Variants in SUSD1 observed in about 807,000 individuals in gnomAD.
SUSD1 encodes the protein sushi domain-containing protein 1.
In SUSD1, 65 loss-of-function variants were observed where a neutral mutation model predicts 86.9. The observed-to-expected ratio is 0.75, with a 90% CI of 0.61 to 0.92. The LOEUF (loss-of-function observed/expected upper bound fraction) is 0.92, where lower values mean the gene tolerates loss of function less well. Ranked by LOEUF, SUSD1 falls within the 40% of genes least tolerant of loss-of-function variation. The pLI, the probability that SUSD1 is intolerant of heterozygous loss-of-function variation, is 0.00. For missense variants in SUSD1, 850 were observed against 929.7 expected (o/e 0.91, Z 1.11); for synonymous variants, 346 against 350.0 (o/e 0.99, Z 0.13).
chr9:112,097,182 TG>T (rs1385955898), intron 10 of SUSD1, among the ~76,000 whole-genome samples: 1 of 151,586 alleles, frequency 6.6e-6, no homozygotes, highest in Non-Finnish European at 1.5e-5. Flanking sequence ...AAAAATTAGC[TG>T]GGCATGGTGG....
intron 12 of SUSD1, among the ~76,000 whole-genome samples, chr9:112,066,017 A>G (rs1459126445): frequency 1.3e-5 from 2 of 152,174 alleles, no homozygotes; most frequent in African/African-American, 2.4e-5. Flanking sequence ...AATCATCTCT[A>G]TCTTATCAGT....
At chr9:112,087,120 C>A (rs1005898437) in intron 10 of SUSD1, among the ~76,000 whole-genome samples, 6 of 152,048 alleles carry the variant, frequency 3.9e-5, no homozygotes, top group Non-Finnish European at 8.8e-5. Flanking sequence ...AAATAAGTAT[C>A]CTCAAGCATT....
At chr9:112,046,229 T>G (rs546276231) in intron 15 of SUSD1, among the ~76,000 whole-genome samples, 1 of 152,226 alleles carries the variant, frequency 6.6e-6, no homozygotes, top group African/African-American at 2.4e-5. Context: ...AATTCCTTAA[T>G]AAGAAAATTT....
At chr9:112,162,091 C>T (rs957331376) in intron 1 of SUSD1, among the ~76,000 whole-genome samples, 1 of 152,090 alleles carries the variant, frequency 6.6e-6, no homozygotes, top group African/African-American at 2.4e-5. Context: ...CACAATAAAA[C>T]ACCCCCATGT....
chr9:112,150,034 G>T (rs1864359), intron 2 of SUSD1, among the ~76,000 whole-genome samples: 69,158 of 152,114 alleles, frequency 0.45, 16,443 homozygotes, highest in African/African-American at 0.6. Flanking sequence ...TAATATGAAA[G>T]TGAAAGATGC....
At chr9:112,097,522 C>T (rs1412145346) in intron 10 of SUSD1, among the ~76,000 whole-genome samples, 12 of 151,022 alleles carry the variant, frequency 7.9e-5, no homozygotes, top group African/African-American at 2.4e-4. Flanking sequence ...CTCAGCCTCC[C>T]GAGTAGCTGG....
intron 5 of SUSD1, among the ~76,000 whole-genome samples, chr9:112,129,127 A>G (rs889963294): frequency 1.3e-4 from 20 of 152,162 alleles, no homozygotes; most frequent in African/African-American, 4.8e-4. Flanking sequence ...AGGGTCTTGG[A>G]TGGACTTCAG....
intron 12 of SUSD1, among the ~76,000 whole-genome samples, chr9:112,064,057 C>T (rs988897383): frequency 8.8e-4 from 54 of 61,668 alleles, no homozygotes; most frequent in African/African-American, 3.0e-3. Context: ...GGGGGGGGGG[C>T]GGGTGGGGGC....
chr9:112,162,987 C>T (rs1833634079), intron 1 of SUSD1, among the ~76,000 whole-genome samples: 1 of 152,168 alleles, frequency 6.6e-6, no homozygotes, highest in Non-Finnish European at 1.5e-5. Context: ...CCAGTGGCCA[C>T]CTTCAAGTTT....
chr9:112,066,880 T>C (rs1218467928), intron 12 of SUSD1, among the ~76,000 whole-genome samples: 1 of 152,032 alleles, frequency 6.6e-6, no homozygotes, highest in Non-Finnish European at 1.5e-5. Context: ...TTTTTGTTGT[T>C]TATCTGTTTT....
At chr9:112,110,877 G>A (rs1435143871) in intron 8 of SUSD1, among the ~76,000 whole-genome samples, 1 of 152,040 alleles carries the variant, frequency 6.6e-6, no homozygotes, top group Non-Finnish European at 1.5e-5. Context: ...CTGCACCCTA[G>A]GGGTGCCCCT....
At chr9:112,153,458 A>G (rs1833153923) in intron 2 of SUSD1, among the ~76,000 whole-genome samples, 1 of 152,138 alleles carries the variant, frequency 6.6e-6, no homozygotes, top group South Asian at 2.1e-4. Context: ...TTCTTCTGCA[A>G]TACATCCTGA....
At chr9:112,079,399 G>A (rs1829669057) in intron 11 of SUSD1, among the ~76,000 whole-genome samples, 2 of 152,264 alleles carry the variant, frequency 1.3e-5, no homozygotes, top group East Asian at 3.9e-4. Flanking sequence ...TTCCTAGAAA[G>A]AATATTAGGA....
rs1310986143 is a variant in SUSD1 at position 112,062,943 on chromosome 9, G to T, written c.1844C>A (p.Pro615Gln). The change falls in exon 13 of 17, where the codon CCA becomes CAA. Residue 615 changes from proline to glutamine, a missense_variant. Physicochemically the swap from Pro to Gln is moderately conservative, Grantham distance 76. Coordinates refer to ENST00000374270, the MANE Select transcript of SUSD1 (RefSeq NM_022486.5). Reference protein sequence around the residue: ...RLRKAKEKNGPISSYQVLVLP... With the variant: ...RLRKAKEKNGQISSYQVLVLP... ...AGAAAGGACAGCTACTGACCTGATT[G>T]GTCCATTTTTCTCCTTGGCTTTCCT... The T allele has an allele frequency of 1.2e-6, 2 of 1,605,656 alleles. No individual in the cohort carries two copies. The highest frequency in any genetic ancestry group is 1.1e-5 in the South Asian group (1 of 90,882).
chr9:112,082,533 A>T (rs12344697), intron 10 of SUSD1, among the ~76,000 whole-genome samples: 18,411 of 152,174 alleles, frequency 0.12, 1,217 homozygotes, highest in Non-Finnish European at 0.15. Context: ...TGGAGCCACA[A>T]GCCAAGGAGT....
rs1031925908 is a variant in SUSD1 at position 112,054,327 on chromosome 9, G to A, written c.2110-1889C>T. On this transcript the variant is annotated intron_variant, in intron 14 of 16. Transcript: ENST00000374270. ...AGGCTGGGCACACTGGCTCACACCTGTAATCCCAGTACTTTGGGAGGCTGA... is the reference window on the plus strand; with the variant it reads ...AGGCTGGGCACACTGGCTCACACCTATAATCCCAGTACTTTGGGAGGCTGA... 7.9e-5 allele frequency among the ~76,000 whole-genome samples: 12 copies of A among 152,294 alleles called. No individual in the cohort carries two copies. In the East Asian group the frequency reaches 2.1e-3, roughly 27 times the overall value.
At chr9:112,086,903 A>T (rs1830009284) in intron 10 of SUSD1, among the ~76,000 whole-genome samples, 1 of 152,056 alleles carries the variant, frequency 6.6e-6, no homozygotes, top group South Asian at 2.1e-4. Flanking sequence ...CTCTTAACCT[A>T]GAAATCTTGT....
At chr9:112,161,602 C>A (rs1833573191) in intron 1 of SUSD1, among the ~76,000 whole-genome samples, 1 of 151,910 alleles carries the variant, frequency 6.6e-6, no homozygotes, top group African/African-American at 2.4e-5. Context: ...GTGGGCAGAT[C>A]ACCTAAGGTC....
chr9:112,133,957 T>A (rs1411208835), intron 5 of SUSD1, among the ~76,000 whole-genome samples: 1 of 151,976 alleles, frequency 6.6e-6, no homozygotes, highest in Admixed American at 6.5e-5. Context: ...TCAAGAAACA[T>A]ATGAAAAAAT....
Sources: gnomAD v4.1 joint callset for allele counts (sites outside exome capture counted in the v4.1 genomes callset) on GRCh38, gnomAD v4.1.1 for gene constraint, MANE v1.5 for transcripts, NCBI Gene and HGNC (gene_info 2026-07-23, HGNC 2026-07-21) for gene names.